ZZZ3: variants seen among roughly 807,000 people sequenced by gnomAD.
The protein encoded by ZZZ3 is zinc finger ZZ-type containing 3.
A neutral mutation model predicts 95.2 loss-of-function variants in ZZZ3; 22 were observed. The ratio of observed to expected loss-of-function variants is 0.23; its 90% confidence interval spans 0.17 to 0.33. The LOEUF is 0.33. Ranked by LOEUF, ZZZ3 falls within the 10% of genes least tolerant of loss-of-function variation. The pLI, the probability that ZZZ3 is intolerant of heterozygous loss-of-function variation, is 1.00. For synonymous variants in ZZZ3, 335 were observed against 358.9 expected (o/e 0.93, Z 0.75); for missense variants, 885 against 1,066.5 (o/e 0.83, Z 2.37).
chr1:77,680,851 G>C (rs1329183933), intron 1 of ZZZ3, among the ~76,000 whole-genome samples: 1 of 152,010 alleles, frequency 6.6e-6, no homozygotes, highest in Non-Finnish European at 1.5e-5. Context: ...TAAAACTCAA[G>C]TGATAAAACA....
At chr1:77,612,070 A>G (rs956492807) in intron 5 of ZZZ3, among the ~76,000 whole-genome samples, 2 of 152,066 alleles carry the variant, frequency 1.3e-5, no homozygotes, top group African/African-American at 4.8e-5. Context: ...CAAATCAAAT[A>G]TCTGATAAGG....
chr1:77,679,158 A>T (rs1204228331), intron 1 of ZZZ3, among the ~76,000 whole-genome samples: 1 of 152,214 alleles, frequency 6.6e-6, no homozygotes, highest in African/African-American at 2.4e-5. Flanking sequence ...GAGTACAATT[A>T]TAGTGGTTAT....
At chr1:77,617,819 C>T (rs1465187081) in intron 5 of ZZZ3, among the ~76,000 whole-genome samples, 1 of 151,258 alleles carries the variant, frequency 6.6e-6, no homozygotes, top group Non-Finnish European at 1.5e-5. Flanking sequence ...GTGACAAGCA[C>T]CTGTAGTCTC....
At chr1:77,671,078 G>A (rs145734950) in intron 1 of ZZZ3, among the ~76,000 whole-genome samples, 18 of 151,032 alleles carry the variant, frequency 1.2e-4, no homozygotes, top group African/African-American at 4.4e-4. Context: ...AGCAACTGCC[G>A]GTCCAACCTC....
chr1:77,673,374 A>C (rs1339640851), intron 1 of ZZZ3, among the ~76,000 whole-genome samples: 1 of 152,148 alleles, frequency 6.6e-6, no homozygotes, highest in African/African-American at 2.4e-5. Context: ...AGGAGGGCAG[A>C]TCACCTGAGG....
At chr1:77,654,857 C>T (rs1249936158) in intron 1 of ZZZ3, among the ~76,000 whole-genome samples, 2 of 152,018 alleles carry the variant, frequency 1.3e-5, no homozygotes, top group Non-Finnish European at 2.9e-5. Flanking sequence ...CTATGTTGCC[C>T]AAGCTGGTCT....
intron 1 of ZZZ3, among the ~76,000 whole-genome samples, chr1:77,650,177 T>C (rs892792402): frequency 2.0e-5 from 3 of 151,816 alleles, no homozygotes; most frequent in African/African-American, 7.3e-5. Flanking sequence ...AGAACATGTT[T>C]AAAACACTCA....
At position 77,563,825 on chromosome 1, in the gene ZZZ3, A is replaced by G. The variant is rs1660610450; in HGVS notation, c.*1815T>C. 1 of 152,168 alleles carries G rather than the reference A, an allele frequency of 6.6e-6. No homozygotes were observed. The highest frequency in any genetic ancestry group is 2.4e-5 in the African/African-American group (1 of 41,442). 9.4% of individuals were successfully genotyped at this position (152,168 alleles called of 1,614,324 possible). ...TGAGAAGTTAAGCTCAAGTCCATTT[A>G]CTTTCCTTCTGTTATGATATATTAT... On this transcript the variant is annotated 3_prime_UTR_variant, in exon 15 of 15. Transcript: ENST00000370801.
chr1:77,604,459 A>T (rs1310100143), intron 5 of ZZZ3, among the ~76,000 whole-genome samples: 1 of 152,194 alleles, frequency 6.6e-6, no homozygotes, highest in Non-Finnish European at 1.5e-5. Context: ...TTGCAACACA[A>T]TTTTTTTAAA....
At chr1:77,644,225 C>T (rs970894245) in intron 1 of ZZZ3, among the ~76,000 whole-genome samples, 6 of 152,094 alleles carry the variant, frequency 3.9e-5, no homozygotes, top group African/African-American at 1.4e-4. Context: ...GCCACCACGC[C>T]CATTTAATTT....
intron 13 of ZZZ3, among the ~76,000 whole-genome samples, chr1:77,567,101 TTTTAATTTGGTTTACCAG>T (rs1444940615): frequency 6.6e-6 from 1 of 152,194 alleles, no homozygotes; most frequent in Non-Finnish European, 1.5e-5. Context: ...ATAACTTTGT[TTTTAATTTGGTTTACCAG>T]TCACAGCACA....
intron 9 of ZZZ3, chr1:77,580,317 A>G (rs1195608182): frequency 1.3e-5 from 2 of 152,226 alleles, no homozygotes; most frequent in African/African-American, 4.8e-5. Flanking sequence ...ACTGTATGCC[A>G]AAACTGACTT....
intron 5 of ZZZ3, among the ~76,000 whole-genome samples, chr1:77,618,522 G>T (rs964842862): frequency 6.6e-6 from 1 of 152,132 alleles, no homozygotes; most frequent in Non-Finnish European, 1.5e-5. Context: ...ACTGTACAAA[G>T]ACAAGCAGTG....
chr1:77,668,354 A>G (rs958447362), intron 1 of ZZZ3, among the ~76,000 whole-genome samples: 55 of 152,196 alleles, frequency 3.6e-4, no homozygotes, highest in African/African-American at 1.3e-3. Context: ...CATCATTTCA[A>G]TTTCTAGCTG....
rs1660501193 is a variant in ZZZ3 at position 77,562,540 on chromosome 1, A to G, written c.*3100T>C. ...CATTTTCTCTATTCCATTTTTTCAAATGTTCATACCTAGTAAATTTTTGTG... is the reference window on the plus strand; with the variant it reads ...CATTTTCTCTATTCCATTTTTTCAAGTGTTCATACCTAGTAAATTTTTGTG... On this transcript the variant is annotated 3_prime_UTR_variant, in exon 15 of 15. Coordinates refer to ENST00000370801, the MANE Select transcript of ZZZ3 (RefSeq NM_015534.6). 6.6e-6 allele frequency: 1 copy of G among 152,154 alleles called. No homozygotes were observed. Among genetic ancestry groups the G allele is most frequent in the Admixed American group, 6.5e-5 (1 of 15,274 alleles). The allele number at this position is 152,154 out of a possible 1,614,324, so 9.4% of individuals were successfully genotyped here. A position where few individuals can be genotyped will look rare whatever the true frequency, so the allele number is the denominator to read the frequency against.
chr1:77,674,040 C>A (rs1672029433), intron 1 of ZZZ3, among the ~76,000 whole-genome samples: 3 of 146,150 alleles, frequency 2.1e-5, no homozygotes, highest in Non-Finnish European at 4.5e-5. Context: ...TGAGGTACTG[C>A]ATAAGCCATC....
At chr1:77,613,108 C>A (rs1043235298) in intron 5 of ZZZ3, among the ~76,000 whole-genome samples, 3 of 152,010 alleles carry the variant, frequency 2.0e-5, no homozygotes, top group African/African-American at 7.2e-5. Context: ...TTTACTTCCA[C>A]CAATTCTTTA....
chr1:77,657,137 C>T (rs560674436), intron 1 of ZZZ3, among the ~76,000 whole-genome samples: 2 of 152,082 alleles, frequency 1.3e-5, no homozygotes, highest in Non-Finnish European at 2.9e-5. Flanking sequence ...TGCACCACCA[C>T]GCCCAGCTAA....
chr1:77,564,838 G>A lies in ZZZ3; in HGVS notation c.*802C>T, dbSNP rs1176388901. Reference sequence around the variant, plus strand: ...ACTGACAACTCCAAATACAGAGGCAGAAGGCTGTGTATTTTAAAGGAATTA... The same window carrying A: ...ACTGACAACTCCAAATACAGAGGCAAAAGGCTGTGTATTTTAAAGGAATTA... On this transcript the variant is annotated 3_prime_UTR_variant, in exon 15 of 15. Coordinates refer to ENST00000370801, the MANE Select transcript of ZZZ3 (RefSeq NM_015534.6). 2 of 152,620 alleles carry A rather than the reference G, an allele frequency of 1.3e-5. No individual in the cohort carries two copies. The highest frequency in any genetic ancestry group is 2.9e-5 in the Non-Finnish European group (2 of 68,030). The allele number at this position is 152,620 out of a possible 1,614,324, so 9.5% of individuals were successfully genotyped here.
Sources: gnomAD v4.1 joint callset for allele counts (sites outside exome capture counted in the v4.1 genomes callset) on GRCh38, gnomAD v4.1.1 for gene constraint, MANE v1.5 for transcripts, NCBI Gene and HGNC (gene_info 2026-07-23, HGNC 2026-07-21) for gene names.